KCNG3: variants seen among roughly 807,000 people sequenced by gnomAD.
KCNG3 encodes potassium voltage-gated channel modifier subfamily G member 3.
In KCNG3, 15 loss-of-function variants were observed where a neutral mutation model predicts 29.0. The observed-to-expected ratio is 0.52, with a 90% CI of 0.35 to 0.80. The LOEUF (loss-of-function observed/expected upper bound fraction) is 0.80, where lower values mean the gene tolerates loss of function less well. Among genes scored for constraint, KCNG3 ranks in the 30% least tolerant of loss-of-function variants. The pLI is 0.01. For missense variants in KCNG3, 512 were observed against 605.7 expected, an observed-to-expected ratio of 0.85 and a Z score of 1.62; for synonymous variants, 322 against 248.9, an observed-to-expected ratio of 1.29 and a Z score of -2.76.
the KCNG3 span, among the ~76,000 whole-genome samples, chr2:42,400,933 ATC>A: frequency 6.6e-6 from 1 of 151,974 alleles, no homozygotes; most frequent in African/African-American, 2.4e-5. Flanking sequence ...TAAATATTTC[ATC>A]TCTCTTCTCT....
intron 1 of KCNG3, among the ~76,000 whole-genome samples, chr2:42,458,703 G>C (rs1199501564): frequency 6.6e-6 from 1 of 152,112 alleles, no homozygotes; most frequent in African/African-American, 2.4e-5. Flanking sequence ...GCCCGAGGTA[G>C]TGTCTTGCAA....
chr2:42,455,291 C>T (rs919357439), intron 1 of KCNG3, among the ~76,000 whole-genome samples: 2 of 152,104 alleles, frequency 1.3e-5, no homozygotes, highest in African/African-American at 4.8e-5. Context: ...GCCACACTAC[C>T]CGTGGGGTCA....
chr2:42,401,664 G>T, the KCNG3 span, among the ~76,000 whole-genome samples: 1 of 152,044 alleles, frequency 6.6e-6, no homozygotes, highest in African/African-American at 2.4e-5. Context: ...GGCTAGTCTT[G>T]AAGTCCTGGG....
At chr2:42,440,181 C>T (rs1300618478), downstream of KCNG3, among the ~76,000 whole-genome samples, 1 of 152,080 alleles carries the variant, frequency 6.6e-6, no homozygotes, top group African/African-American at 2.4e-5. Context: ...TTTCCACAAC[C>T]CCTAGTTCCA....
At chr2:42,396,197 T>C in the KCNG3 span, among the ~76,000 whole-genome samples, 1 of 152,216 alleles carries the variant, frequency 6.6e-6, no homozygotes, top group African/African-American at 2.4e-5. Flanking sequence ...TGTATATCAG[T>C]TTTGCATCAT....
In KCNG3 at chr2:42,470,520, T is replaced by C. The variant is rs115265382; in HGVS notation, c.665+22317A>G. ...CTACAAATATTTTAAAATAAATAAA[T>C]AAGACAAGATATTTGCAATACACAA... On this transcript the variant is annotated intron_variant, in intron 1 of 1. Transcript: ENST00000306078. 9.1e-3 allele frequency among the ~76,000 whole-genome samples: 1,388 copies of C among 152,090 alleles called. 26 individuals carry two copies. Among genetic ancestry groups the C allele is most frequent in the African/African-American group, 0.031 (1,299 of 41,486 alleles).
chr2:42,455,632 TG>T (rs1246295623), intron 1 of KCNG3, among the ~76,000 whole-genome samples: 1 of 152,068 alleles, frequency 6.6e-6, no homozygotes, highest in African/African-American at 2.4e-5. Flanking sequence ...TTAGCCAGTG[TG>T]GGGCATGTGC....
At chr2:42,480,290 C>T (rs1003773025) in intron 1 of KCNG3, among the ~76,000 whole-genome samples, 2 of 152,156 alleles carry the variant, frequency 1.3e-5, no homozygotes, top group African/African-American at 4.8e-5. Context: ...ATCACAGGTA[C>T]TCTCATTATC....
chr2:42,438,266 A>T (rs1672409856), downstream of KCNG3, among the ~76,000 whole-genome samples: 1 of 152,190 alleles, frequency 6.6e-6, no homozygotes, highest in South Asian at 2.1e-4. Flanking sequence ...AACAAAAACA[A>T]ACCAATACAC....
chr2:42,438,659 G>C (rs935251511), downstream of KCNG3, among the ~76,000 whole-genome samples: 7 of 152,316 alleles, frequency 4.6e-5, no homozygotes, highest in Middle Eastern at 3.4e-3. Flanking sequence ...TGACAATTGA[G>C]CTTATGCTAA....
chr2:42,456,201 T>C (rs372785025), intron 1 of KCNG3, among the ~76,000 whole-genome samples: 5 of 152,150 alleles, frequency 3.3e-5, no homozygotes, highest in African/African-American at 9.7e-5. Flanking sequence ...ATGAAAGGCA[T>C]AGACTGCAAT....
intron 1 of KCNG3, among the ~76,000 whole-genome samples, chr2:42,490,996 C>G (rs1311092185): frequency 6.6e-6 from 1 of 152,182 alleles, no homozygotes; most frequent in Non-Finnish European, 1.5e-5. Context: ...TATACCTACA[C>G]TCAGACAGTG....
At position 42,444,252 on chromosome 2, in the gene KCNG3, A is replaced by G; in HGVS notation, c.993T>C (p.Cys331=). 8 of 1,614,222 alleles carry G rather than the reference A, an allele frequency of 5.0e-6. No homozygotes were observed. The highest frequency in any genetic ancestry group is 6.8e-6 in the Non-Finnish European group (8 of 1,180,042). Residue 331 remains cysteine, a synonymous_variant, in exon 2 of 2, where the codon TGT becomes TGC. Coordinates refer to ENST00000306078, the MANE Select transcript of KCNG3 (RefSeq NM_133329.6). The surrounding 1 kb of genome is among the most constrained non-coding windows in gnomAD (Gnocchi z 5.8). ...REMVMLLVFI[C]VAMAIFSALS... ...GTGCACTAAAGATTGCCATGGCAAC[A>G]CAAATGAAGACAAGTAACATAACCA...
At chr2:42,407,269 G>A in the KCNG3 span, among the ~76,000 whole-genome samples, 46 of 148,438 alleles carry the variant, frequency 3.1e-4, no homozygotes, top group African/African-American at 1.1e-3. Context: ...TCAACCTCTT[G>A]AGCTCAAGCA....
chr2:42,478,205 T>C (rs1453171517), intron 1 of KCNG3, among the ~76,000 whole-genome samples: 2 of 152,118 alleles, frequency 1.3e-5, no homozygotes, highest in African/African-American at 4.8e-5. Context: ...TTATGTAAAT[T>C]ACATCTATCT....
chr2:42,429,482 T>C, the KCNG3 span, among the ~76,000 whole-genome samples: 2 of 152,232 alleles, frequency 1.3e-5, no homozygotes, highest in African/African-American at 2.4e-5. Flanking sequence ...TTTTCTACTC[T>C]TGAGTATACC....
intron 1 of KCNG3, among the ~76,000 whole-genome samples, chr2:42,455,220 C>T (rs967078891): frequency 6.6e-6 from 1 of 152,116 alleles, no homozygotes; most frequent in South Asian, 2.1e-4. Flanking sequence ...AAACTCCTGG[C>T]CTCCCAAAGT....
At chr2:42,480,758 T>TAA (rs11338189) in intron 1 of KCNG3, among the ~76,000 whole-genome samples, 6 of 122,654 alleles carry the variant, frequency 4.9e-5, no homozygotes, top group African/African-American at 1.5e-4. Context: ...AACCCCATCT[T>TAA]AAAAAAAAAA....
the KCNG3 span, among the ~76,000 whole-genome samples, chr2:42,433,025 A>G: frequency 6.6e-6 from 1 of 152,096 alleles, no homozygotes; most frequent in African/African-American, 2.4e-5. Flanking sequence ...GAATCTATGG[A>G]AAAACCCACA....
Sources: gnomAD v4.1 joint callset for allele counts (sites outside exome capture counted in the v4.1 genomes callset) on GRCh38, gnomAD v4.1.1 for gene constraint, Gnocchi (gnomAD v3.1) non-coding constraint, MANE v1.5 for transcripts, NCBI Gene and HGNC (gene_info 2026-07-23, HGNC 2026-07-21) for gene names.